ITSN1: variants seen among roughly 807,000 people sequenced by gnomAD.
ITSN1 encodes intersectin 1.
In ITSN1, 58 loss-of-function variants were observed where a neutral mutation model predicts 239.8. The ratio of observed to expected loss-of-function variants is 0.24; its 90% CI spans 0.20 to 0.30. The LOEUF (loss-of-function observed/expected upper bound fraction) is 0.30. ITSN1 is among the 10% of genes least tolerant of loss of function. ITSN1 has a pLI of 1.00. For missense variants in ITSN1, 1,558 were observed against 2,103.3 expected, an observed-to-expected ratio of 0.74 and a Z score of 5.07; for synonymous variants, 780 against 770.8, an observed-to-expected ratio of 1.01 and a Z score of -0.20.
chr21:33,785,785 G>A (rs532919284), intron 16 of ITSN1, among the ~76,000 whole-genome samples: 1 of 152,128 alleles, frequency 6.6e-6, no homozygotes, highest in South Asian at 2.1e-4. Context: ...GAAATTGAAG[G>A]CTCATTTTTT....
At chr21:33,861,444 A>G (rs1411951034) in intron 31 of ITSN1, among the ~76,000 whole-genome samples, 6 of 152,168 alleles carry the variant, frequency 3.9e-5, no homozygotes, top group African/African-American at 1.4e-4. Context: ...AACAATAAAT[A>G]AATAACATGA....
At chr21:33,655,799 G>C (rs758132768) in intron 1 of ITSN1, among the ~76,000 whole-genome samples, 1 of 151,870 alleles carries the variant, frequency 6.6e-6, no homozygotes, top group African/African-American at 2.4e-5. Context: ...AGTTTACCTG[G>C]GGCTGGGCTT....
intron 1 of ITSN1, among the ~76,000 whole-genome samples, chr21:33,662,436 C>A (rs2089629297): frequency 6.6e-6 from 1 of 152,128 alleles, no homozygotes; most frequent in South Asian, 2.1e-4. Flanking sequence ...TCATTTTGAA[C>A]CTTCTTATAC....
At chr21:33,848,318 G>A (rs574521820) in intron 29 of ITSN1, among the ~76,000 whole-genome samples, 10 of 152,386 alleles carry the variant, frequency 6.6e-5, no homozygotes, top group African/African-American at 1.7e-4. Flanking sequence ...CGCTGGAGAT[G>A]TGCATGCACA....
chr21:33,798,264 A>AT (rs200619178), intron 18 of ITSN1, among the ~76,000 whole-genome samples: 20,121 of 142,260 alleles, frequency 0.14, 1,703 homozygotes, highest in East Asian at 0.28. Flanking sequence ...TGCCCAGCTA[A>AT]TTTTTTTTTT....
chr21:33,747,402 G>A (rs942441634), intron 5 of ITSN1, among the ~76,000 whole-genome samples: 2 of 152,080 alleles, frequency 1.3e-5, no homozygotes, highest in Non-Finnish European at 2.9e-5. Context: ...GATCATGAGA[G>A]AAAGGTACAG....
chr21:33,687,228 C>T (rs1256090502), intron 1 of ITSN1, among the ~76,000 whole-genome samples: 1 of 146,316 alleles, frequency 6.8e-6, no homozygotes, highest in Non-Finnish European at 1.5e-5. Flanking sequence ...GAGACTCTGT[C>T]TCAAAAGAAA....
chr21:33,646,463 A>G (rs921627135), intron 1 of ITSN1, among the ~76,000 whole-genome samples: 1 of 152,214 alleles, frequency 6.6e-6, no homozygotes, highest in East Asian at 1.9e-4. Context: ...ATGTTTTCCA[A>G]TTTCACTTTT....
At chr21:33,657,176 C>T (rs2089164532) in intron 1 of ITSN1, among the ~76,000 whole-genome samples, 1 of 152,152 alleles carries the variant, frequency 6.6e-6, no homozygotes, top group South Asian at 2.1e-4. Context: ...CAACCCCTGC[C>T]CCCGTTTTGG....
chr21:33,730,269 T>C (rs1033367902), intron 4 of ITSN1, among the ~76,000 whole-genome samples: 4 of 152,072 alleles, frequency 2.6e-5, no homozygotes, highest in Non-Finnish European at 5.9e-5. Flanking sequence ...CCTGTTATCC[T>C]TCATTTATTT....
intron 10 of ITSN1, among the ~76,000 whole-genome samples, chr21:33,767,193 CATAAATAA>C (rs561807780): frequency 1.3e-5 from 2 of 151,434 alleles, no homozygotes; most frequent in African/African-American, 2.4e-5. Flanking sequence ...AATAAAATGA[CATAAATAA>C]ATAAATAAAT....
intron 16 of ITSN1, among the ~76,000 whole-genome samples, chr21:33,785,781 G>A (rs2070616686): frequency 6.6e-6 from 1 of 152,154 alleles, no homozygotes. Context: ...CATGGAAATT[G>A]AAGGCTCATT....
intron 34 of ITSN1, among the ~76,000 whole-genome samples, chr21:33,878,450 G>A (rs1039869586): frequency 6.6e-6 from 1 of 151,952 alleles, no homozygotes; most frequent in Non-Finnish European, 1.5e-5. Flanking sequence ...GCTTGTGCCT[G>A]TACACACATA....
At chr21:33,701,665 C>T (rs978706177) in intron 1 of ITSN1, among the ~76,000 whole-genome samples, 2 of 151,512 alleles carry the variant, frequency 1.3e-5, no homozygotes, top group South Asian at 4.2e-4. Flanking sequence ...TGTGGTGGCA[C>T]GCACCTGTAA....
At chr21:33,817,088 C>G (rs1291674371) in intron 22 of ITSN1, 1 of 1,048,364 alleles carries the variant, frequency 9.5e-7, no homozygotes, top group Non-Finnish European at 1.2e-6. Flanking sequence ...AAGTAACTCT[C>G]TCTAGGCATT....
chr21:33,715,671 C>G (rs1254229315), intron 1 of ITSN1, among the ~76,000 whole-genome samples: 1 of 152,250 alleles, frequency 6.6e-6, no homozygotes. Context: ...GTCTGATTCA[C>G]AAACCTCTGG....
chr21:33,857,719 G>A (rs925022460), intron 30 of ITSN1, among the ~76,000 whole-genome samples: 1 of 152,190 alleles, frequency 6.6e-6, no homozygotes, highest in Non-Finnish European at 1.5e-5. Flanking sequence ...TCAAAAAGGT[G>A]CCCCTTTCTC....
At chr21:33,835,352 C>T (rs920333355) in intron 28 of ITSN1, among the ~76,000 whole-genome samples, 6 of 152,066 alleles carry the variant, frequency 3.9e-5, no homozygotes, top group Non-Finnish European at 8.8e-5. Context: ...CATGTACAGC[C>T]CCTTCCTCAG....
intron 1 of ITSN1, among the ~76,000 whole-genome samples, chr21:33,685,105 C>G (rs543385335): frequency 1.3e-5 from 2 of 152,270 alleles, no homozygotes; most frequent in South Asian, 4.2e-4. Flanking sequence ...GACATCACTT[C>G]CTTTTATTAA....
Sources: gnomAD v4.1 joint callset for allele counts (sites outside exome capture counted in the v4.1 genomes callset) on GRCh38, gnomAD v4.1.1 for gene constraint, MANE v1.5 for transcripts, NCBI Gene and HGNC (gene_info 2026-07-23, HGNC 2026-07-21) for gene names.